The following PTPN12 variants were observed in gnomAD, a reference collection of about 807,000 sequenced individuals.
The protein encoded by PTPN12 is tyrosine-protein phosphatase non-receptor type 12.
A neutral mutation model predicts 97.6 loss-of-function variants in PTPN12; 29 were observed. The ratio of observed to expected loss-of-function variants is 0.30; its 90% CI spans 0.22 to 0.41. PTPN12 has a LOEUF of 0.41. Ranked by LOEUF, PTPN12 falls within the 10% of genes least tolerant of loss-of-function variation. The pLI is 1.00. For missense variants in PTPN12, 819 were observed against 926.0 expected, an observed-to-expected ratio of 0.88 and a Z score of 1.50; for synonymous variants, 327 against 300.4, an observed-to-expected ratio of 1.09 and a Z score of -0.91.
chr7:77,564,746 G>GGTTTT (rs1808162192), intron 1 of PTPN12, among the ~76,000 whole-genome samples: 2 of 45,370 alleles, frequency 4.4e-5, no homozygotes, highest in African/African-American at 1.8e-4. Context: ...TTGTTGTCGT[G>GGTTTT]TTTTTTTTTT....
At chr7:77,555,073 G>T (rs1175950813) in intron 1 of PTPN12, among the ~76,000 whole-genome samples, 4 of 152,034 alleles carry the variant, frequency 2.6e-5, no homozygotes, top group African/African-American at 9.7e-5. Context: ...AAGTTGGTGG[G>T]TTTTTTCTTC....
Position 77,626,961 on chromosome 7 carries a change from A to G in PTPN12, c.1282A>G (p.Lys428Glu). 6.2e-7 allele frequency: 1 copy of G among 1,610,372 alleles called. No individual in the cohort carries two copies. The highest frequency in any genetic ancestry group is 8.5e-7 in the Non-Finnish European group (1 of 1,178,900). Residue 428 changes from lysine to glutamate, a missense_variant, in exon 13 of 18, where the codon AAA (lysine) becomes GAA (glutamate). Around this residue, in one of 5 missense-constraint regions of PTPN12, gnomAD observed 607 missense variants for 577.3 expected, o/e 1.05. Transcript: ENST00000248594. ...KNESTIEQID[K>E]KLERNLSFEI... ...TGAATCAACAATTGAACAGATAGATAAAAAATTGGAACGAAATTTAAGTTT... is the reference window on the plus strand; with the variant it reads ...TGAATCAACAATTGAACAGATAGATGAAAAATTGGAACGAAATTTAAGTTT...
chr7:77,595,352 G>A (rs1451117934), intron 6 of PTPN12, among the ~76,000 whole-genome samples: 1 of 152,186 alleles, frequency 6.6e-6, no homozygotes, highest in Non-Finnish European at 1.5e-5. Flanking sequence ...CTACTTGGCA[G>A]TCAGAGTTTG....
At chr7:77,542,434 T>A (rs1807023300) in intron 1 of PTPN12, among the ~76,000 whole-genome samples, 1 of 152,134 alleles carries the variant, frequency 6.6e-6, no homozygotes, top group Non-Finnish European at 1.5e-5. Context: ...AGGTAAACAG[T>A]CATTTGTGTT....
intron 8 of PTPN12, chr7:77,604,792 CAT>C (rs571804050): frequency 0.016 from 4,500 of 275,232 alleles, 2 homozygotes; most frequent in South Asian, 0.033. Context: ...ATGTTTATAT[CAT>C]ATATATATAT....
At chr7:77,617,616 T>C (rs188114469) in intron 11 of PTPN12, among the ~76,000 whole-genome samples, 3 of 152,340 alleles carry the variant, frequency 2.0e-5, no homozygotes, top group Admixed American at 6.5e-5. Flanking sequence ...TGTGTAACGA[T>C]GGCTGTTGTC....
At chr7:77,604,729 T>A (rs1248591040) in intron 8 of PTPN12, 1 of 191,476 alleles carries the variant, frequency 5.2e-6, no homozygotes, top group Non-Finnish European at 1.1e-5. Context: ...CATATATTTT[T>A]AGTACTTTCA....
intron 2 of PTPN12, among the ~76,000 whole-genome samples, chr7:77,579,793 A>G (rs1787455373): frequency 6.6e-6 from 1 of 152,234 alleles, no homozygotes; most frequent in African/African-American, 2.4e-5. Context: ...CAAAGGATAT[A>G]AACAAGTGGT....
chr7:77,580,659 A>G (rs1007290529), intron 2 of PTPN12, among the ~76,000 whole-genome samples: 5 of 152,146 alleles, frequency 3.3e-5, no homozygotes, highest in Non-Finnish European at 5.9e-5. Context: ...AACTTAAAAG[A>G]AAAATATACT....
At chr7:77,635,548 G>A (rs1450321067) in intron 14 of PTPN12, among the ~76,000 whole-genome samples, 20 of 152,150 alleles carry the variant, frequency 1.3e-4, no homozygotes, top group Admixed American at 1.3e-3. Context: ...ATACACTGAT[G>A]ACTGAATTTA....
At chr7:77,615,507 G>A (rs1223844863) in intron 11 of PTPN12, among the ~76,000 whole-genome samples, 1 of 152,214 alleles carries the variant, frequency 6.6e-6, no homozygotes, top group Non-Finnish European at 1.5e-5. Context: ...AGCTCTTTGG[G>A]ATGCCAGGGC....
chr7:77,567,988 G>A (rs779607781), intron 1 of PTPN12, among the ~76,000 whole-genome samples: 57 of 152,206 alleles, frequency 3.7e-4, no homozygotes, highest in Non-Finnish European at 7.2e-4. Context: ...ACATTTTTTG[G>A]TGGGAAATAA....
chr7:77,539,950 A>AT (rs1279306318), intron 1 of PTPN12, among the ~76,000 whole-genome samples: 2 of 152,170 alleles, frequency 1.3e-5, no homozygotes, highest in African/African-American at 4.8e-5. Flanking sequence ...AAGTGCTGGG[A>AT]TTACAGGCGT....
At chr7:77,607,382 G>C (rs1031873034) in intron 9 of PTPN12, 81 bp downstream of exon 9, 1 of 1,022,552 alleles carries the variant, frequency 9.8e-7, no homozygotes, top group Non-Finnish European at 1.5e-6. Flanking sequence ...GTAAATTATA[G>C]TGTATATTTT....
chr7:77,582,640 C>T (rs766442045), intron 3 of PTPN12, among the ~76,000 whole-genome samples: 8 of 151,842 alleles, frequency 5.3e-5, no homozygotes, highest in East Asian at 2.0e-4. Flanking sequence ...AAAAATTAGC[C>T]GGTCATGGTG....
intron 1 of PTPN12, among the ~76,000 whole-genome samples, chr7:77,550,396 G>T (rs1423638185): frequency 1.3e-5 from 2 of 151,982 alleles, no homozygotes; most frequent in Non-Finnish European, 2.9e-5. Flanking sequence ...TTTATAAATA[G>T]ACTAAAATTA....
chr7:77,574,900 C>T (rs140304249), intron 2 of PTPN12, among the ~76,000 whole-genome samples: 26 of 151,230 alleles, frequency 1.7e-4, no homozygotes, highest in African/African-American at 6.3e-4. Context: ...TGTGGGATCT[C>T]GGCTCACTGC....
chr7:77,579,445 TG>T (rs1284562724), intron 2 of PTPN12, among the ~76,000 whole-genome samples: 11 of 152,180 alleles, frequency 7.2e-5, no homozygotes, highest in Middle Eastern at 3.2e-3. Flanking sequence ...AAATTTAATA[TG>T]AGATCCTCGA....
chr7:77,589,780 T>A (rs1787807742), intron 5 of PTPN12, among the ~76,000 whole-genome samples: 1 of 152,166 alleles, frequency 6.6e-6, no homozygotes, highest in Non-Finnish European at 1.5e-5. Flanking sequence ...TAATCAATTG[T>A]CTAAGAGAAT....
Sources: gnomAD v4.1 joint callset for allele counts (sites outside exome capture counted in the v4.1 genomes callset) on GRCh38, gnomAD v4.1.1 for gene constraint, gnomAD v4.1.1 regional missense constraint, MANE v1.5 for transcripts, NCBI Gene and HGNC (gene_info 2026-07-23, HGNC 2026-07-21) for gene names.